TRAPPC9: variants seen among roughly 807,000 people sequenced by gnomAD.
The protein encoded by TRAPPC9 is IKK2 binding protein.
In TRAPPC9, 83 loss-of-function variants were observed where a neutral mutation model predicts 124.0. The ratio of observed to expected loss-of-function variants is 0.67; its 90% CI spans 0.56 to 0.80. TRAPPC9 has a LOEUF of 0.80. Among genes scored for constraint, TRAPPC9 ranks in the 30% least tolerant of loss-of-function variants. The probability of loss-of-function intolerance (pLI) is 0.00; values close to 1 mark genes in which losing one functional copy is unlikely to be tolerated. For missense variants in TRAPPC9, 1,302 were observed against 1,508.3 expected, an observed-to-expected ratio of 0.86 and a Z score of 2.27; for synonymous variants, 638 against 617.5, an observed-to-expected ratio of 1.03 and a Z score of -0.49.
At chr8:140,036,555 G>T (rs1478101951) in intron 17 of TRAPPC9, among the ~76,000 whole-genome samples, 1 of 152,210 alleles carries the variant, frequency 6.6e-6, no homozygotes, top group Non-Finnish European at 1.5e-5. Flanking sequence ...CAAGAAGACA[G>T]GGTGTGGTAC....
intron 17 of TRAPPC9, among the ~76,000 whole-genome samples, chr8:140,185,237 G>A (rs770249005): frequency 6.6e-6 from 1 of 152,204 alleles, no homozygotes; most frequent in Non-Finnish European, 1.5e-5. Flanking sequence ...AGGACAGGAC[G>A]CACCCCTGCC....
intron 3 of TRAPPC9, among the ~76,000 whole-genome samples, chr8:140,435,896 G>A (rs1287196039): frequency 1.3e-5 from 2 of 152,168 alleles, no homozygotes; most frequent in African/African-American, 4.8e-5. Context: ...CATTAACTCA[G>A]TGCTCCTTAA....
At chr8:140,112,437 C>A (rs111953166) in intron 17 of TRAPPC9, among the ~76,000 whole-genome samples, 2 of 139,424 alleles carry the variant, frequency 1.4e-5, no homozygotes, top group East Asian at 4.6e-4. Context: ...GGGACAGGTG[C>A]GAGGAGAGTA....
chr8:139,938,435 C>T (rs1238068938), intron 19 of TRAPPC9, among the ~76,000 whole-genome samples: 2 of 151,690 alleles, frequency 1.3e-5, no homozygotes, highest in African/African-American at 4.8e-5. Flanking sequence ...CAGGCGCCCA[C>T]CACCATGCCC....
chr8:140,137,697 C>G (rs959670607), intron 17 of TRAPPC9, among the ~76,000 whole-genome samples: 13 of 152,230 alleles, frequency 8.5e-5, no homozygotes, highest in African/African-American at 2.4e-4. Context: ...GCATCTGATT[C>G]ACGCTTCAGT....
chr8:139,928,987 C>T lies in TRAPPC9; in HGVS notation c.2811-18687G>A, dbSNP rs543214206. On this transcript the variant is annotated intron_variant, in intron 19 of 22. Transcript: ENST00000438773. ...GCCCCTCGATGTTGCTTACGGGAGA[C>T]GTGTGCGTGGGCGCGGGAGGGTGCC... is the stretch of plus-strand genomic sequence containing the variant. 1.2e-4 allele frequency among the ~76,000 whole-genome samples: 18 copies of T among 151,920 alleles called. No homozygotes were observed. In the South Asian group the frequency reaches 1.3e-3, roughly 11 times the overall value.
At chr8:140,145,872 T>C (rs1408557366) in intron 17 of TRAPPC9, among the ~76,000 whole-genome samples, 1 of 152,176 alleles carries the variant, frequency 6.6e-6, no homozygotes, top group Admixed American at 6.5e-5. Context: ...CCTTCACATG[T>C]TTTCTGTTAC....
At chr8:139,912,755 T>A (rs907876207) in intron 19 of TRAPPC9, among the ~76,000 whole-genome samples, 9 of 152,210 alleles carry the variant, frequency 5.9e-5, no homozygotes, top group Admixed American at 5.9e-4. Flanking sequence ...GGTTGAACAT[T>A]TTTTCAGAAG....
intron 17 of TRAPPC9, among the ~76,000 whole-genome samples, chr8:140,209,044 G>C (rs12717827): frequency 3.3e-5 from 5 of 151,898 alleles, no homozygotes; most frequent in African/African-American, 1.2e-4. Flanking sequence ...GTTGGTGTTG[G>C]TGTTGTTCAG....
intron 19 of TRAPPC9, among the ~76,000 whole-genome samples, chr8:139,930,257 T>C (rs977000337): frequency 9.9e-5 from 15 of 152,240 alleles, no homozygotes; most frequent in African/African-American, 3.6e-4. Flanking sequence ...ACTCCTGAGA[T>C]GGGAAGGCTT....
intron 14 of TRAPPC9, among the ~76,000 whole-genome samples, chr8:140,280,331 A>T (rs7817518): frequency 0.041 from 6,293 of 152,320 alleles, 179 homozygotes; most frequent in African/African-American, 0.07. Flanking sequence ...TCTAAACAGC[A>T]TGTGCAGGTA....
chr8:140,090,588 T>C (rs1014588106), intron 17 of TRAPPC9, among the ~76,000 whole-genome samples: 5 of 152,260 alleles, frequency 3.3e-5, no homozygotes, highest in Admixed American at 6.5e-5. Context: ...TAATTCCAGA[T>C]TTCCTGGCCA....
chr8:140,131,223 GTA>G (rs2061203308), intron 17 of TRAPPC9, among the ~76,000 whole-genome samples: 1 of 152,078 alleles, frequency 6.6e-6, no homozygotes, highest in Non-Finnish European at 1.5e-5. Context: ...GTTCTTTAGG[GTA>G]TATCAGTAAA....
At position 139,730,876 on chromosome 8, in the gene TRAPPC9, T is replaced by G. The variant is rs1817768936; in HGVS notation, c.*185A>C. The G allele has an allele frequency of 1.4e-5, 9 of 652,500 alleles. No individual in the cohort carries two copies. The South Asian group carries it at 1.7e-4, about 12-fold the overall frequency. 40.4% of individuals were successfully genotyped at this position (652,500 alleles called of 1,614,324 possible). A position where few individuals can be genotyped will look rare whatever the true frequency, so the allele number is the denominator to read the frequency against. On this transcript the variant is annotated 3_prime_UTR_variant, in exon 23 of 23. Transcript: ENST00000438773. The stretch of plus-strand genomic sequence containing the variant: ...GGCGTGGCATGGGGTGGGGCTGCCA[T>G]GTCCGGGGCTTCTGCGTAGCCCAGC...
At chr8:140,225,680 T>C (rs2063434412) in intron 16 of TRAPPC9, among the ~76,000 whole-genome samples, 1 of 152,190 alleles carries the variant, frequency 6.6e-6, no homozygotes, top group Non-Finnish European at 1.5e-5. Context: ...AAGCATGGTA[T>C]GAAAGACCAC....
intron 21 of TRAPPC9, among the ~76,000 whole-genome samples, chr8:139,872,450 A>G (rs1829003112): frequency 8.5e-6 from 1 of 117,168 alleles, no homozygotes; most frequent in Admixed American, 8.9e-5. Flanking sequence ...GTTGGTGGGT[A>G]GACGGTTGCA....
At chr8:140,175,254 CA>C (rs1166730816) in intron 17 of TRAPPC9, among the ~76,000 whole-genome samples, 2 of 151,786 alleles carry the variant, frequency 1.3e-5, no homozygotes, top group African/African-American at 4.8e-5. Flanking sequence ...ATAGTTGCCC[CA>C]AATAATTGGT....
At chr8:140,264,603 G>T (rs1169244043) in intron 15 of TRAPPC9, among the ~76,000 whole-genome samples, 3 of 145,906 alleles carry the variant, frequency 2.1e-5, no homozygotes, top group Non-Finnish European at 4.5e-5. Context: ...AGGAGGGGGA[G>T]GGGGAAGGGA....
At chr8:140,237,445 A>C (rs1388655086) in intron 16 of TRAPPC9, among the ~76,000 whole-genome samples, 1 of 151,584 alleles carries the variant, frequency 6.6e-6, no homozygotes, top group East Asian at 2.0e-4. Context: ...GTGGTTCCCA[A>C]ACTTTGCTGC....
Sources: allele counts gnomAD v4.1 joint callset (sites outside exome capture counted in the v4.1 genomes callset), GRCh38; gene constraint gnomAD v4.1.1; transcripts MANE v1.5; gene names NCBI Gene and HGNC (gene_info 2026-07-23, HGNC 2026-07-21).